PROSER2: variants seen among roughly 807,000 people sequenced by gnomAD.
PROSER2 encodes the protein proline and serine rich 2, also known as proline and serine-rich protein 2.
Under a neutral mutation model 14.6 loss-of-function variants are expected in PROSER2, and 18 were observed. The observed-to-expected ratio is 1.23, with a 90% CI of 0.85 to 1.83. The LOEUF is 1.83. PROSER2 is among the 40% of genes most tolerant of loss of function. The probability of loss-of-function intolerance (pLI) is 0.00; values close to 1 mark genes in which losing one functional copy is unlikely to be tolerated. For missense variants in PROSER2, 823 were observed against 629.8 expected (o/e 1.31, Z -3.28); for synonymous variants, 367 against 286.4 (o/e 1.28, Z -2.84).
At chr10:11,843,232 A>G (rs1168766012) in intron 1 of PROSER2, among the ~76,000 whole-genome samples, 23 of 146,414 alleles carry the variant, frequency 1.6e-4, no homozygotes, top group Admixed American at 3.4e-4. Context: ...GAGCCACCGC[A>G]CCCAGCCTTG....
At position 11,869,590 on chromosome 10, in the gene PROSER2, G is replaced by A. The variant is rs761838045; in HGVS notation, c.492G>A (p.Leu164=). ...APETLLAPPP[L]PSTPDPPRRE... Reference sequence around the variant, plus strand: ...AGACCCTTCTTGCGCCACCACCCCTGCCTAGCACCCCCGATCCCCCCAGGA... The same window carrying A: ...AGACCCTTCTTGCGCCACCACCCCTACCTAGCACCCCCGATCCCCCCAGGA... The change falls in exon 4 of 4, where the codon CTG becomes CTA. Residue 164 remains leucine, a synonymous_variant. Coordinates refer to ENST00000277570, the MANE Select transcript of PROSER2 (RefSeq NM_153256.4). The surrounding 1 kb of genome is among the most constrained non-coding windows in gnomAD (Gnocchi z 4.4). 6.8e-6 allele frequency: 11 copies of A among 1,606,896 alleles called. No homozygotes were observed. Among genetic ancestry groups the A allele is most frequent in the African/African-American group, 2.7e-5 (2 of 74,550 alleles).
chr10:11,840,395 T>C (rs1407768509), intron 1 of PROSER2, among the ~76,000 whole-genome samples: 1 of 152,220 alleles, frequency 6.6e-6, no homozygotes, highest in Non-Finnish European at 1.5e-5. Flanking sequence ...TTGAGATGAT[T>C]GAATGGCTTT....
chr10:11,860,875 G>A (rs1834223003), intron 2 of PROSER2, among the ~76,000 whole-genome samples: 2 of 152,098 alleles, frequency 1.3e-5, no homozygotes, highest in Non-Finnish European at 2.9e-5. Context: ...GGAGGCCAAG[G>A]TGGGTGAATC....
chr10:11,848,201 C>T (rs764246318), intron 1 of PROSER2, among the ~76,000 whole-genome samples: 54 of 152,286 alleles, frequency 3.5e-4, no homozygotes, highest in Non-Finnish European at 6.0e-4. Flanking sequence ...CAGAGTCTCA[C>T]TCTGCCGCCC....
At chr10:11,832,691 G>T (rs1306544991) in intron 1 of PROSER2, among the ~76,000 whole-genome samples, 1 of 152,162 alleles carries the variant, frequency 6.6e-6, no homozygotes, top group Non-Finnish European at 1.5e-5. Context: ...TCCTAAATTG[G>T]AAGGACTTGA....
chr10:11,844,694 T>C (rs1833898819), intron 1 of PROSER2, among the ~76,000 whole-genome samples: 1 of 152,222 alleles, frequency 6.6e-6, no homozygotes, highest in Non-Finnish European at 1.5e-5. Context: ...CGATCTCAGC[T>C]CACTGCAACC....
rs146826600 is a variant in PROSER2, at chr10:11,828,029, A to C, written c.-82+4559A>C. Among the ~76,000 whole-genome samples the C allele has an allele frequency of 6.8e-3, 1,030 of 152,080 alleles. 14 individuals are homozygous for C. Among genetic ancestry groups the C allele is most frequent in the African/African-American group, 0.024 (978 of 41,502 alleles). On this transcript the variant is annotated intron_variant, in intron 1 of 3. Coordinates refer to ENST00000277570, the MANE Select transcript of PROSER2 (RefSeq NM_153256.4). ...AGATTACATTTTATTTTTTTTAATT[A>C]GGTTAATGGGCATATCAGGATAAAG... is the stretch of plus-strand genomic sequence containing the variant.
chr10:11,835,226 T>G (rs1224391278), intron 1 of PROSER2, among the ~76,000 whole-genome samples: 2 of 152,204 alleles, frequency 1.3e-5, no homozygotes, highest in Non-Finnish European at 2.9e-5. Context: ...GAAAACGCTC[T>G]AGGAGCCCCA....
chr10:11,866,479 A>G lies in PROSER2; in HGVS notation c.139-52A>G. 6.3e-7 allele frequency: 1 copy of G among 1,597,988 alleles called. No homozygotes were observed. The highest frequency in any genetic ancestry group is 2.2e-5 in the East Asian group (1 of 44,688). The stretch of plus-strand genomic sequence containing the variant: ...ACTTTGCTTCAGCTTTTGTCTCTTT[A>G]GTGAAGCCAGTGTTTGTTTTCTCTC... On this transcript the variant is annotated intron_variant, in intron 2 of 3. Transcript: ENST00000277570. The surrounding 1 kb of genome is among the most constrained non-coding windows in gnomAD (Gnocchi z 6.0).
Position 11,834,237 on chromosome 10 carries a change from CCCACCTCGG to C in PROSER2, c.-82+10770_-82+10778del, listed in dbSNP as rs201613511. On this transcript the variant is annotated intron_variant, in intron 1 of 3. Transcript: ENST00000277570. ...CTCGATCTTTTGACCTCGTGACTTA[CCCACCTCGG>C]CCTCCCAAAGTGCTGGGATTACAGG... is the stretch of plus-strand genomic sequence containing the variant. 8.0e-3 allele frequency among the ~76,000 whole-genome samples: 1,210 copies of C among 150,868 alleles called. 16 individuals are homozygous for C. The highest frequency in any genetic ancestry group is 0.028 in the African/African-American group (1,159 of 41,328).
chr10:11,831,787 C>A (rs1166572994), intron 1 of PROSER2: 1 of 152,152 alleles, frequency 6.6e-6, no homozygotes, highest in Non-Finnish European at 1.5e-5. Flanking sequence ...TAGGAAACTT[C>A]TTCCCTCGAG....
intron 1 of PROSER2, among the ~76,000 whole-genome samples, chr10:11,848,941 C>G (rs1833969902): frequency 6.6e-6 from 1 of 152,162 alleles, no homozygotes; most frequent in Admixed American, 6.5e-5. Flanking sequence ...GTAATCCCAG[C>G]ACTTTGGGAG....
At chr10:11,848,006 G>A (rs552922721) in intron 1 of PROSER2, among the ~76,000 whole-genome samples, 4 of 152,250 alleles carry the variant, frequency 2.6e-5, no homozygotes, top group African/African-American at 7.2e-5. Context: ...GTAAGAGTGC[G>A]TGTCCCTCCA....
At chr10:11,853,510 C>T (rs1834068677) in intron 2 of PROSER2, among the ~76,000 whole-genome samples, 1 of 152,134 alleles carries the variant, frequency 6.6e-6, no homozygotes, top group East Asian at 1.9e-4. Flanking sequence ...ATCACTTGAA[C>T]CAGGAGGCAG....
intron 2 of PROSER2, among the ~76,000 whole-genome samples, chr10:11,855,124 G>A (rs1184577777): frequency 2.8e-5 from 4 of 144,344 alleles, no homozygotes; most frequent in Admixed American, 7.0e-5. Flanking sequence ...AGAAAACCTC[G>A]TTCTCATTTA....
intron 1 of PROSER2, among the ~76,000 whole-genome samples, chr10:11,844,956 T>A (rs764683390): frequency 6.6e-5 from 10 of 152,228 alleles, no homozygotes; most frequent in Non-Finnish European, 8.8e-5. Context: ...TAGTATTCAG[T>A]TACATGGATG....
chr10:11,867,091 C>T (rs1027533333), intron 3 of PROSER2, among the ~76,000 whole-genome samples: 2 of 151,612 alleles, frequency 1.3e-5, no homozygotes, highest in African/African-American at 2.4e-5. Flanking sequence ...AGTGAAACCC[C>T]GTCTCTACTA....
intron 3 of PROSER2, among the ~76,000 whole-genome samples, chr10:11,868,746 G>C (rs140801391): frequency 0.031 from 4,675 of 152,258 alleles, 104 homozygotes; most frequent in Non-Finnish European, 0.048. Flanking sequence ...CACCTCCCAG[G>C]TTCAAGGGAT....
At chr10:11,868,329 G>A (rs1834395223) in intron 3 of PROSER2, among the ~76,000 whole-genome samples, 1 of 152,186 alleles carries the variant, frequency 6.6e-6, no homozygotes, top group South Asian at 2.1e-4. Context: ...AGGCTGGAGT[G>A]CAATGGCACA....
Sources: gnomAD v4.1 joint callset for allele counts (sites outside exome capture counted in the v4.1 genomes callset) on GRCh38, gnomAD v4.1.1 for gene constraint, Gnocchi (gnomAD v3.1) non-coding constraint, MANE v1.5 for transcripts, NCBI Gene and HGNC (gene_info 2026-07-23, HGNC 2026-07-21) for gene names.